The following CCSER1 variants were observed in gnomAD, a reference collection of about 807,000 sequenced individuals.
CCSER1 encodes the protein coiled-coil serine rich protein 1.
Under a neutral mutation model 82.0 loss-of-function variants are expected in CCSER1, and 41 were observed. The ratio of observed to expected loss-of-function variants is 0.50; its 90% CI spans 0.39 to 0.65. CCSER1 has a LOEUF of 0.65. Among genes scored for constraint, CCSER1 ranks in the 30% least tolerant of loss-of-function variants. CCSER1 has a pLI of 0.00. For missense variants in CCSER1, 1,119 were observed against 1,064.2 expected (o/e 1.05, Z -0.72); for synonymous variants, 414 against 383.9 (o/e 1.08, Z -0.92).
intron 5 of CCSER1, among the ~76,000 whole-genome samples, chr4:90,521,121 T>A (rs2153624677): frequency 1.3e-5 from 2 of 152,340 alleles, no homozygotes; most frequent in Middle Eastern, 6.8e-3. Context: ...ATTTGCTTTC[T>A]GATTCTCTTT....
intron 9 of CCSER1, among the ~76,000 whole-genome samples, chr4:91,010,051 ACTTC>A (rs1166045327): frequency 6.6e-6 from 1 of 152,230 alleles, no homozygotes; most frequent in East Asian, 1.9e-4. Context: ...TACTTGAAGA[ACTTC>A]CTTAAGAATT....
In CCSER1 at chr4:91,346,033, C is replaced by CTTTTTTTTTT. The variant is rs534383177; in HGVS notation, c.2218-252537_2218-252528dup. On this transcript the variant is annotated intron_variant, in intron 10 of 10. Transcript: ENST00000509176. ...CATATCATACTGGGGCTTGACAGCTCTTTTTTTTTTTAAGACAGTCTCACT... is the reference window on the plus strand; with the variant it reads ...CATATCATACTGGGGCTTGACAGCTCTTTTTTTTTTTTTTTTTTTTTAAGACAGTCTCACT... Among the ~76,000 whole-genome samples, 53 of 144,988 alleles carry CTTTTTTTTTT rather than the reference C, an allele frequency of 3.7e-4. No individual in the cohort carries two copies. In the Middle Eastern group the frequency reaches 0.014, roughly 39 times the overall value.
At chr4:90,940,161 T>C (rs1447365926) in intron 9 of CCSER1, among the ~76,000 whole-genome samples, 1 of 152,144 alleles carries the variant, frequency 6.6e-6, no homozygotes, top group Non-Finnish European at 1.5e-5. Flanking sequence ...GGTACATTTT[T>C]TCCTCAAAAG....
intron 8 of CCSER1, among the ~76,000 whole-genome samples, chr4:90,881,321 GAGA>G (rs1721280313): frequency 6.6e-6 from 1 of 152,110 alleles, no homozygotes. Context: ...GACAGACAGA[GAGA>G]GAGAGAGGGG....
At chr4:91,590,714 G>A (rs1764223638) in intron 10 of CCSER1, among the ~76,000 whole-genome samples, 1 of 152,030 alleles carries the variant, frequency 6.6e-6, no homozygotes, top group Non-Finnish European at 1.5e-5. Context: ...GTTTTTAAAT[G>A]CTTTCATTGT....
rs376911547 is a variant in CCSER1 at position 90,468,218 on chromosome 4, C to T, written c.1604-16C>T. ...AATAATTTTGACATTTACAATTCCT[C>T]GGTTTTTTTGAACAGTTTGCCGGGA... On this transcript the variant is annotated splice_polypyrimidine_tract_variant and intron_variant, in intron 4 of 10. Coordinates refer to ENST00000509176, the MANE Select transcript of CCSER1 (RefSeq NM_001145065.2). 43 of 1,577,060 alleles carry T rather than the reference C, an allele frequency of 2.7e-5. No homozygotes were observed. The African/African-American group carries it at 3.0e-4, about 11-fold the overall frequency.
At chr4:91,058,257 T>C (rs1398890733) in intron 9 of CCSER1, among the ~76,000 whole-genome samples, 1 of 152,042 alleles carries the variant, frequency 6.6e-6, no homozygotes, top group East Asian at 1.9e-4. Context: ...GAGAATGTGG[T>C]ACATATTCTC....
chr4:91,469,650 T>G (rs1464871422), intron 10 of CCSER1, among the ~76,000 whole-genome samples: 1 of 152,196 alleles, frequency 6.6e-6, no homozygotes, highest in Non-Finnish European at 1.5e-5. Context: ...CTCAATGCTC[T>G]GTGTACAAAT....
chr4:91,098,059 A>G (rs917848080), intron 10 of CCSER1, among the ~76,000 whole-genome samples: 4 of 152,222 alleles, frequency 2.6e-5, no homozygotes, highest in Admixed American at 6.5e-5. Flanking sequence ...TTGAAAATCA[A>G]TGTTTAGTTA....
chr4:90,145,681 G>A (rs141410292), intron 1 of CCSER1, among the ~76,000 whole-genome samples: 4 of 152,128 alleles, frequency 2.6e-5, no homozygotes, highest in African/African-American at 7.2e-5. Context: ...TGTTTTGACT[G>A]TATTAACATT....
At chr4:91,505,811 T>G (rs1759452420) in intron 10 of CCSER1, among the ~76,000 whole-genome samples, 1 of 152,210 alleles carries the variant, frequency 6.6e-6, no homozygotes, top group Admixed American at 6.5e-5. Flanking sequence ...TCTTGTAAAT[T>G]TAAGTTCTGT....
chr4:91,075,854 A>T, intron 9 of CCSER1, among the ~76,000 whole-genome samples: 1 of 152,148 alleles, frequency 6.6e-6, no homozygotes, highest in East Asian at 1.9e-4. Context: ...TTTTTAAAGC[A>T]AATCAACCAA....
At position 90,781,313 on chromosome 4, in the gene CCSER1, A is replaced by T. The variant is rs141958014; in HGVS notation, c.2011-34449A>T. 1.8e-4 allele frequency: 182 copies of T among 985,194 alleles called. 5 individuals are homozygous for T. The East Asian group carries it at 0.013, about 71-fold the overall frequency. 61.0% of individuals were successfully genotyped at this position (985,194 alleles called of 1,614,324 possible). ...AACAGACACTGTGCTGAGCTCAAAAAATAGTGATTCATCAAATATGAATGT... is the reference window on the plus strand; with the variant it reads ...AACAGACACTGTGCTGAGCTCAAAATATAGTGATTCATCAAATATGAATGT... On this transcript the variant is annotated intron_variant, in intron 7 of 10. Transcript: ENST00000509176.
chr4:91,217,034 G>C (rs952704612), intron 10 of CCSER1, among the ~76,000 whole-genome samples: 1 of 152,078 alleles, frequency 6.6e-6, no homozygotes, highest in African/African-American at 2.4e-5. Context: ...AAGGTGGCGC[G>C]TCGCGAGTCT....
chr4:91,537,315 G>A (rs1761347118), intron 10 of CCSER1, among the ~76,000 whole-genome samples: 1 of 152,042 alleles, frequency 6.6e-6, no homozygotes, highest in Non-Finnish European at 1.5e-5. Flanking sequence ...ATACGGTGTT[G>A]TATAGTACTT....
intron 10 of CCSER1, among the ~76,000 whole-genome samples, chr4:91,307,078 A>G (rs1745120125): frequency 1.3e-5 from 2 of 151,984 alleles, no homozygotes; most frequent in South Asian, 2.1e-4. Flanking sequence ...TTCATTCTTA[A>G]GTATCACAAC....
chr4:90,664,025 T>A (rs1731279385), intron 6 of CCSER1: 1 of 167,048 alleles, frequency 6.0e-6, no homozygotes, highest in Non-Finnish European at 1.3e-5. Context: ...ATTTAGTTAA[T>A]AAGAAATTCT....
At chr4:91,576,633 A>G (rs1763463392) in intron 10 of CCSER1, among the ~76,000 whole-genome samples, 1 of 152,028 alleles carries the variant, frequency 6.6e-6, no homozygotes, top group Admixed American at 6.6e-5. Flanking sequence ...ATACATAATG[A>G]TATATTTTAT....
At chr4:90,227,516 C>T (rs1743411409) in intron 1 of CCSER1, among the ~76,000 whole-genome samples, 1 of 152,192 alleles carries the variant, frequency 6.6e-6, no homozygotes, top group South Asian at 2.1e-4. Flanking sequence ...TAAAAGACAT[C>T]TATTTAAATT....
Sources: allele counts gnomAD v4.1 joint callset (sites outside exome capture counted in the v4.1 genomes callset), GRCh38; gene constraint gnomAD v4.1.1; transcripts MANE v1.5; gene names NCBI Gene and HGNC (gene_info 2026-07-23, HGNC 2026-07-21).